ZNF892: variants seen among roughly 807,000 people sequenced by gnomAD.
ZNF892 encodes zinc finger protein 892, also known as zinc finger protein 570-like.
the ZNF892 span, chr2:95,215,456 G>T: frequency 2.3e-6 from 1 of 439,036 alleles, no homozygotes; most frequent in Non-Finnish European, 4.1e-6. Flanking sequence ...AGCCCTACAA[G>T]TGTAAGGAAT....
At chr2:95,245,457 G>GC in the ZNF892 span, among the ~76,000 whole-genome samples, 5 of 109,618 alleles carry the variant, frequency 4.6e-5, no homozygotes, top group East Asian at 9.4e-4. Context: ...CGGCGGGGGG[G>GC]GGGGGGTTTC....
the ZNF892 span, among the ~76,000 whole-genome samples, chr2:95,228,541 T>C: frequency 6.6e-6 from 1 of 152,248 alleles, no homozygotes; most frequent in East Asian, 1.9e-4. Context: ...CTAGTTGTAA[T>C]TAATAACTTT....
chr2:95,260,292 C>G, the ZNF892 span, among the ~76,000 whole-genome samples: 1 of 151,982 alleles, frequency 6.6e-6, no homozygotes, highest in Non-Finnish European at 1.5e-5. Flanking sequence ...TTTTGCTGAC[C>G]TTCTGTCCCT....
chr2:95,245,773 G>A, the ZNF892 span, among the ~76,000 whole-genome samples: 2 of 152,114 alleles, frequency 1.3e-5, no homozygotes, highest in Admixed American at 6.5e-5. Flanking sequence ...TGGAAGAAAT[G>A]AATAAAATAC....
the ZNF892 span, among the ~76,000 whole-genome samples, chr2:95,210,174 T>C: frequency 6.7e-6 from 1 of 149,034 alleles, no homozygotes; most frequent in Non-Finnish European, 1.5e-5. Context: ...TATGTATATA[T>C]GTGTATATAT....
chr2:95,251,375 C>A, the ZNF892 span, among the ~76,000 whole-genome samples: 1 of 152,328 alleles, frequency 6.6e-6, no homozygotes, highest in South Asian at 2.1e-4. Flanking sequence ...CTAAAACAAT[C>A]CTTTCAGATA....
At chr2:95,228,876 A>G in the ZNF892 span, among the ~76,000 whole-genome samples, 2 of 152,076 alleles carry the variant, frequency 1.3e-5, no homozygotes, top group Non-Finnish European at 2.9e-5. Flanking sequence ...ATTCTATTCA[A>G]AGTTACCCCT....
chr2:95,215,193 C>A, the ZNF892 span: 1 of 446,932 alleles, frequency 2.2e-6, no homozygotes. Flanking sequence ...TACTGGGGAG[C>A]GGCCATATGA....
the ZNF892 span, among the ~76,000 whole-genome samples, chr2:95,239,563 A>G: frequency 2.0e-5 from 3 of 151,974 alleles, no homozygotes; most frequent in East Asian, 1.9e-4. Flanking sequence ...AGCAGCCATC[A>G]TCATTGAGGC....
chr2:95,251,438 A>G, the ZNF892 span, among the ~76,000 whole-genome samples: 26 of 152,334 alleles, frequency 1.7e-4, no homozygotes, highest in East Asian at 1.9e-4. Flanking sequence ...CTCAAAGCCA[A>G]TAAGCCTTTT....
the ZNF892 span, chr2:95,207,825 G>A: frequency 2.5e-6 from 1 of 398,580 alleles, no homozygotes; most frequent in African/African-American, 2.1e-5. Context: ...CATGGAACCT[G>A]AGGGCAGAGG....
the ZNF892 span, among the ~76,000 whole-genome samples, chr2:95,262,146 G>A: frequency 1.3e-5 from 2 of 152,144 alleles, no homozygotes; most frequent in Non-Finnish European, 2.9e-5. Context: ...TACTAATTGG[G>A]GACTAGGAGA....
At chr2:95,206,393 G>A in the ZNF892 span, among the ~76,000 whole-genome samples, 3 of 152,198 alleles carry the variant, frequency 2.0e-5, no homozygotes, top group African/African-American at 7.2e-5. Context: ...CGGCCAAAGA[G>A]ACGGCTAAAG....
At chr2:95,245,468 A>C in the ZNF892 span, among the ~76,000 whole-genome samples, 1 of 128,538 alleles carries the variant, frequency 7.8e-6, no homozygotes, top group Admixed American at 8.1e-5. Context: ...GGGGGGTTTC[A>C]CCATGTTAGC....
At chr2:95,213,174 A>G in the ZNF892 span, among the ~76,000 whole-genome samples, 32 of 152,144 alleles carry the variant, frequency 2.1e-4, no homozygotes, top group South Asian at 8.3e-4. Flanking sequence ...CTGTTCTTCA[A>G]CTTGAACTCT....
At chr2:95,208,360 A>G in the ZNF892 span, among the ~76,000 whole-genome samples, 142 of 152,368 alleles carry the variant, frequency 9.3e-4, no homozygotes, top group African/African-American at 3.0e-3. Context: ...AGGCGTGGAC[A>G]TACAAAGACT....
At chr2:95,249,625 A>G in the ZNF892 span, among the ~76,000 whole-genome samples, 4 of 152,072 alleles carry the variant, frequency 2.6e-5, no homozygotes, top group African/African-American at 9.7e-5. Flanking sequence ...AATCATCTCA[A>G]TATTAACATC....
At chr2:95,254,676 C>G in the ZNF892 span, among the ~76,000 whole-genome samples, 3 of 152,104 alleles carry the variant, frequency 2.0e-5, no homozygotes, top group African/African-American at 7.2e-5. Context: ...CTCCTTGTAC[C>G]TCTGGTAGAA....
the ZNF892 span, chr2:95,215,126 C>G: frequency 2.1e-6 from 1 of 480,696 alleles, no homozygotes; most frequent in Non-Finnish European, 3.8e-6. Flanking sequence ...ATAAGTGTAA[C>G]GAATGTGGCA....
Sources: gnomAD v4.1 joint callset for allele counts (sites outside exome capture counted in the v4.1 genomes callset) on GRCh38, gnomAD v4.1.1 for gene constraint, MANE v1.5 for transcripts, NCBI Gene and HGNC (gene_info 2026-07-23, HGNC 2026-07-21) for gene names.